Variants in ATXN3 observed in about 807,000 individuals in gnomAD.
ATXN3 encodes ataxin 3.
A neutral mutation model predicts 58.2 loss-of-function variants in ATXN3; 28 were observed. The observed-to-expected ratio is 0.48, with a 90% CI of 0.36 to 0.66. The LOEUF is 0.66. ATXN3 is among the 30% of genes least tolerant of loss of function. ATXN3 has a pLI of 0.00. For synonymous variants in ATXN3, 113 were observed against 138.5 expected (o/e 0.82, Z 1.29); for missense variants, 321 against 422.1 (o/e 0.76, Z 2.10).
chr14:92,096,914 T>G, intron 1 of ATXN3, 76 bp from the exon 2 acceptor site: 1 of 1,362,332 alleles, frequency 7.3e-7, no homozygotes, highest in Non-Finnish European at 1.0e-6. Context: ...TAAATAATTT[T>G]TTTTTTTTTT....
intron 1 of ATXN3, among the ~76,000 whole-genome samples, chr14:92,100,438 C>T (rs1287742256): frequency 6.6e-6 from 1 of 151,608 alleles, no homozygotes; most frequent in Non-Finnish European, 1.5e-5. Flanking sequence ...TGGAAACGAC[C>T]CAAATGGATA....
At chr14:92,100,442 A>G (rs1158665009) in intron 1 of ATXN3, among the ~76,000 whole-genome samples, 1 of 152,046 alleles carries the variant, frequency 6.6e-6, no homozygotes, top group Admixed American at 6.6e-5. Context: ...AACGACCCAA[A>G]TGGATAGCTG....
At position 92,063,647 on chromosome 14, in the gene ATXN3, C is replaced by T. The variant is rs529420712; in HGVS notation, c.*673G>A. On this transcript the variant is annotated 3_prime_UTR_variant, in exon 11 of 11. Coordinates refer to ENST00000644486, the MANE Select transcript of ATXN3 (RefSeq NM_004993.6). ...GCTGATTTCAGAGTTTAGGAACGCACCAGTCATGAAATAATGATCCCATCG... is the reference window on the plus strand; with the variant it reads ...GCTGATTTCAGAGTTTAGGAACGCATCAGTCATGAAATAATGATCCCATCG... 2.0e-5 allele frequency: 3 copies of T among 152,264 alleles called. No individual in the cohort carries two copies. Among genetic ancestry groups the T allele is most frequent in the African/African-American group, 7.2e-5 (3 of 41,554 alleles). 9.4% of individuals were successfully genotyped at this position (152,264 alleles called of 1,614,324 possible).
chr14:92,070,789 A>G, intron 10 of ATXN3, 146 bp downstream of exon 10: 2 of 1,461,530 alleles, frequency 1.4e-6, no homozygotes, highest in South Asian at 2.6e-5. Context: ...TAATCCAGGG[A>G]AATTTAGTAG....
At chr14:92,093,492 A>C (rs1428655621) in intron 4 of ATXN3, 174 bp from the exon 5 acceptor site, 1 of 618,844 alleles carries the variant, frequency 1.6e-6, no homozygotes, top group East Asian at 2.8e-5. Context: ...CAGCTTAGTG[A>C]TGCTGTGCCA....
At chr14:92,053,199 G>A (rs776159005), upstream of ATXN3, among the ~76,000 whole-genome samples, 31 of 152,156 alleles carry the variant, frequency 2.0e-4, no homozygotes, top group Non-Finnish European at 3.8e-4. Flanking sequence ...GCAGTGAGCC[G>A]AGATCACGCC....
At chr14:92,049,135 G>A (rs1221450742) in intron 1 of ATXN3, among the ~76,000 whole-genome samples, 3 of 152,204 alleles carry the variant, frequency 2.0e-5, no homozygotes, top group Non-Finnish European at 4.4e-5. Context: ...TAGGTTTTAG[G>A]TCAGGTGTGA....
chr14:92,077,952 T>C (rs752540499), intron 9 of ATXN3, among the ~76,000 whole-genome samples: 1 of 151,162 alleles, frequency 6.6e-6, no homozygotes, highest in African/African-American at 2.4e-5. Context: ...TGGCCATGTA[T>C]GCTTTAATTT....
Position 92,063,218 on chromosome 14 carries a change from T to G in ATXN3, c.*1102A>C, listed in dbSNP as rs898022921. ...AAACATATTTTCATTAGTAAATTAT[T>G]TTCATGTTCCAGATCACCATCTTTG... On this transcript the variant is annotated 3_prime_UTR_variant, in exon 11 of 11. Coordinates refer to ENST00000644486, the MANE Select transcript of ATXN3 (RefSeq NM_004993.6). 1 of 152,644 alleles carries G rather than the reference T, an allele frequency of 6.6e-6. No homozygotes were observed. The allele number at this position is 152,644 out of a possible 1,614,324, so 9.5% of individuals were successfully genotyped here.
intron 9 of ATXN3, among the ~76,000 whole-genome samples, chr14:92,075,111 A>T (rs913150944): frequency 6.6e-6 from 1 of 151,814 alleles, no homozygotes; most frequent in Non-Finnish European, 1.5e-5. Flanking sequence ...TCATGGCTTG[A>T]AAATATTATT....
Position 92,097,674 on chromosome 14 carries a change from C to T in ATXN3, c.25-836G>A, listed in dbSNP as rs191433400. ...CCAAGTAGCTGCGACTACAGGTGCC[C>T]ACCGCCATGCCCGGCTAATTTTTTG... On this transcript the variant is annotated intron_variant, in intron 1 of 10. Coordinates refer to ENST00000644486, the MANE Select transcript of ATXN3 (RefSeq NM_004993.6). 3.4e-4 allele frequency among the ~76,000 whole-genome samples: 51 copies of T among 152,032 alleles called. 1 individual carries two copies. The highest frequency in any genetic ancestry group is 1.9e-3 in the Admixed American group (29 of 15,270).
chr14:92,089,815 G>A (rs2063392445), intron 5 of ATXN3, among the ~76,000 whole-genome samples: 1 of 152,188 alleles, frequency 6.6e-6, no homozygotes, highest in South Asian at 2.1e-4. Context: ...ACTGATGGGA[G>A]GAAAAATGAC....
At position 92,096,970 on chromosome 14, in the gene ATXN3, C is replaced by G. The variant is rs565746295; in HGVS notation, c.25-132G>C. 1.3e-5 allele frequency: 10 copies of G among 747,726 alleles called. No homozygotes were observed. The East Asian group carries it at 3.0e-4, about 22-fold the overall frequency. 46.3% of individuals were successfully genotyped at this position (747,726 alleles called of 1,614,324 possible). A position where few individuals can be genotyped will look rare whatever the true frequency, so the allele number is the denominator to read the frequency against. On this transcript the variant is annotated intron_variant, in intron 1 of 10. Coordinates refer to ENST00000644486, the MANE Select transcript of ATXN3 (RefSeq NM_004993.6). The stretch of plus-strand genomic sequence containing the variant: ...TCACCCAGGCCGGAGTGCAGTGGCG[C>G]TATCTTGGCTCACTGCAAGCTCCGC...
At chr14:92,082,910 G>A (rs921749313) in intron 7 of ATXN3, among the ~76,000 whole-genome samples, 16 of 151,930 alleles carry the variant, frequency 1.1e-4, no homozygotes, top group South Asian at 4.1e-4. Context: ...TCAGCCTCCC[G>A]AAGTGCTAGG....
intron 10 of ATXN3, among the ~76,000 whole-genome samples, chr14:92,070,301 C>T (rs1016317496): frequency 6.6e-6 from 1 of 152,136 alleles, no homozygotes; most frequent in Non-Finnish European, 1.5e-5. Flanking sequence ...GATTTCTGGC[C>T]GGACGTGATG....
At chr14:92,090,059 A>T (rs1406454286) in intron 5 of ATXN3, among the ~76,000 whole-genome samples, 2 of 152,116 alleles carry the variant, frequency 1.3e-5, no homozygotes, top group Admixed American at 1.3e-4. Flanking sequence ...ACATAGTGAG[A>T]CCCTGTCTCT....
At chr14:92,070,898 A>AAGGT (rs1399268352) in intron 10 of ATXN3, 37 bp downstream of exon 10, 1 of 1,613,326 alleles carries the variant, frequency 6.2e-7, no homozygotes, top group Admixed American at 1.7e-5. Context: ...ATAAAGTGTG[A>AAGGT]AGGTAGCGAA....
chr14:92,093,943 G>A lies in ATXN3; in HGVS notation c.235-112C>T, dbSNP rs934588811. 11 of 542,280 alleles carry A rather than the reference G, an allele frequency of 2.0e-5. No individual in the cohort carries two copies. The South Asian group carries it at 2.1e-4, about 10-fold the overall frequency. 33.6% of individuals were successfully genotyped at this position (542,280 alleles called of 1,614,324 possible). On this transcript the variant is annotated intron_variant, in intron 3 of 10. Coordinates refer to ENST00000644486, the MANE Select transcript of ATXN3 (RefSeq NM_004993.6). ...ATATAAATTTCTCTAGAAGGCTATA[G>A]GTTTTTTTTTTTTTTTTTGTGACAG...
chr14:92,089,781 C>T (rs1366712284), intron 5 of ATXN3, among the ~76,000 whole-genome samples: 4 of 152,152 alleles, frequency 2.6e-5, no homozygotes, highest in South Asian at 2.1e-4. Context: ...ATCAGTCCAA[C>T]ATAACTCCAA....
Sources: allele counts gnomAD v4.1 joint callset (sites outside exome capture counted in the v4.1 genomes callset), GRCh38; gene constraint gnomAD v4.1.1; transcripts MANE v1.5; gene names NCBI Gene and HGNC (gene_info 2026-07-23, HGNC 2026-07-21).